The following MATN3 variants were observed in gnomAD, a reference collection of about 807,000 sequenced individuals.
MATN3 encodes matrilin-3.
A neutral mutation model predicts 45.3 loss-of-function variants in MATN3; 48 were observed. The ratio of observed to expected loss-of-function variants is 1.06; its 90% confidence interval spans 0.84 to 1.35. MATN3 has a LOEUF of 1.35. MATN3 is among the 40% of genes most tolerant of loss of function. The pLI, the probability that MATN3 is intolerant of heterozygous loss-of-function variation, is 0.00. For missense variants in MATN3, 599 were observed against 628.0 expected (o/e 0.95, Z 0.49); for synonymous variants, 217 against 245.9 (o/e 0.88, Z 1.10).
chr2:20,000,701 T>C (rs1672969193), intron 4 of MATN3, 135 bp from the exon 5 acceptor site: 1 of 807,124 alleles, frequency 1.2e-6, no homozygotes, highest in Admixed American at 3.4e-5. Flanking sequence ...TTGGCACTGT[T>C]TTTTTCTAAC....
At position 20,002,058 on chromosome 2, in the gene MATN3, G is replaced by A. The variant is rs1386726302; in HGVS notation, c.939C>T (p.Asn313=). 6.2e-7 allele frequency: 1 copy of A among 1,613,174 alleles called. No homozygotes were observed. The highest frequency in any genetic ancestry group is 1.3e-5 in the African/African-American group (1 of 74,896). The change falls in exon 4 of 8, where the codon AAC becomes AAT. Residue 313 remains asparagine (N), a synonymous_variant. Coordinates refer to ENST00000407540, the MANE Select transcript of MATN3 (RefSeq NM_002381.5). Reference sequence around the variant, plus strand: ...CACAGATGTGCTCACATCCGTGGGTGTTAAGAGCACACCTATCAAGAGCTA... The same window carrying A: ...CACAGATGTGCTCACATCCGTGGGTATTAAGAGCACACCTATCAAGAGCTA... ...TCSALDRCAL[N]THGCEHICVN...
chr2:20,007,399 T>C (rs1284463072), intron 1 of MATN3, among the ~76,000 whole-genome samples: 4 of 143,490 alleles, frequency 2.8e-5, no homozygotes, highest in Non-Finnish European at 4.6e-5. Flanking sequence ...CGTAGTGGCA[T>C]GTGCCTGTAA....
At chr2:20,005,691 A>G (rs1673085911) in intron 2 of MATN3, 53 bp downstream of exon 2, 2 of 1,357,676 alleles carry the variant, frequency 1.5e-6, no homozygotes, top group Non-Finnish European at 2.0e-6. Context: ...CTGGGTACAC[A>G]ATGTCTGAAT....
At chr2:20,004,771 C>G (rs548156711) in intron 2 of MATN3, among the ~76,000 whole-genome samples, 1 of 152,240 alleles carries the variant, frequency 6.6e-6, no homozygotes, top group East Asian at 1.9e-4. Context: ...CATCAGAGAT[C>G]AATAAATGCA....
rs767267280 is a variant in MATN3 at position 20,005,749 on chromosome 2, A to G, written c.785T>C (p.Phe262Ser). 1.9e-6 allele frequency: 3 copies of G among 1,595,228 alleles called. No individual in the cohort carries two copies. The highest frequency in any genetic ancestry group is 2.6e-6 in the Non-Finnish European group (3 of 1,167,678). Residue 262 changes from phenylalanine to serine, a missense_variant, in exon 2 of 8, where the codon TTC (phenylalanine) becomes TCC (serine). Physicochemically the swap from Phe to Ser is radical, Grantham distance 155. Coordinates refer to ENST00000407540, the MANE Select transcript of MATN3 (RefSeq NM_002381.5). ...EKLSSRFQET[F>S]CALDPCVLGT... ...GCAAAGACTGACCAACTTACCACAGAAGGTTTCCTGGAATCTAGAGGAAAG... is the reference window on the plus strand; with the variant it reads ...GCAAAGACTGACCAACTTACCACAGGAGGTTTCCTGGAATCTAGAGGAAAG...
rs1286069347 is a variant in MATN3, at chr2:19,992,350, T to C, written c.*761A>G. Reference sequence around the variant, plus strand: ...ATTAAAAAGACAACATTAGATTTTGTCGATTTATAGCAATTTTATAAATAT... The same window carrying C: ...ATTAAAAAGACAACATTAGATTTTGCCGATTTATAGCAATTTTATAAATAT... On this transcript the variant is annotated 3_prime_UTR_variant, in exon 8 of 8. Coordinates refer to ENST00000407540, the MANE Select transcript of MATN3 (RefSeq NM_002381.5). 6.6e-6 allele frequency: 1 copy of C among 152,122 alleles called. No homozygotes were observed. The highest frequency in any genetic ancestry group is 1.5e-5 in the Non-Finnish European group (1 of 67,972). The allele number at this position is 152,122 out of a possible 1,614,324, so 9.4% of individuals were successfully genotyped here.
At chr2:19,999,993 C>A (rs1352013578) in intron 5 of MATN3, among the ~76,000 whole-genome samples, 1 of 152,198 alleles carries the variant, frequency 6.6e-6, no homozygotes, top group Non-Finnish European at 1.5e-5. Flanking sequence ...CTAATTCAGG[C>A]ATTCACAAAG....
At chr2:19,997,615 T>G (rs74716148) in intron 5 of MATN3, 13,943 of 161,910 alleles carry the variant, frequency 0.086, 700 homozygotes, top group East Asian at 0.23. Flanking sequence ...CCCCAGCTAC[T>G]CATGGATCAT....
In MATN3 at chr2:20,007,223, A is replaced by C. The variant is rs530615850; in HGVS notation, c.224-913T>G. On this transcript the variant is annotated intron_variant, in intron 1 of 7. Transcript: ENST00000407540. ...ACTCCGTCTCAAAAAACAAAACAAA[A>C]AAAAAAGTAAGTAGAAAGAGGGGCC... Among the ~76,000 whole-genome samples, 15 of 151,198 alleles carry C rather than the reference A, an allele frequency of 9.9e-5. No individual in the cohort carries two copies. In the South Asian group the frequency reaches 2.9e-3, roughly 30 times the overall value.
At chr2:19,994,089 C>T (rs980969669) in intron 7 of MATN3, among the ~76,000 whole-genome samples, 1 of 152,160 alleles carries the variant, frequency 6.6e-6, no homozygotes, top group Non-Finnish European at 1.5e-5. Context: ...ACAAAATAGG[C>T]AGCTTTTACA....
At position 19,992,704 on chromosome 2, in the gene MATN3, C is replaced by G. The variant is rs878935713; in HGVS notation, c.*407G>C. 5.5e-6 allele frequency: 1 copy of G among 181,654 alleles called. No homozygotes were observed. The highest frequency in any genetic ancestry group is 1.3e-4 in the South Asian group (1 of 7,764). The allele number at this position is 181,654 out of a possible 1,614,324, so 11.3% of individuals were successfully genotyped here. ...GTAAATACCTTGTACAATTTGCACT[C>G]TCAGTAATAAGATTGATTTATATTA... On this transcript the variant is annotated 3_prime_UTR_variant, in exon 8 of 8. Coordinates refer to ENST00000407540, the MANE Select transcript of MATN3 (RefSeq NM_002381.5).
intron 6 of MATN3, among the ~76,000 whole-genome samples, chr2:19,994,881 G>C (rs185350328): frequency 5.1e-4 from 78 of 152,194 alleles, no homozygotes; most frequent in African/African-American, 1.9e-3. Flanking sequence ...TTGAGGCCAG[G>C]AGTTCAAGAC....
Position 20,012,665 on chromosome 2 carries a change from G to C in MATN3, c.-34C>G. The C allele has an allele frequency of 9.4e-7, 1 of 1,066,174 alleles. No individual in the cohort carries two copies. The highest frequency in any genetic ancestry group is 4.7e-5 in the South Asian group (1 of 21,408). The allele number at this position is 1,066,174 out of a possible 1,614,324, so 66.0% of individuals were successfully genotyped here. On this transcript the variant is annotated 5_prime_UTR_variant, in exon 1 of 8. Transcript: ENST00000407540. The surrounding 1 kb of genome is among the most constrained non-coding windows in gnomAD (Gnocchi z 4.3). ...CCGTGGGCCTGGTGGTGTCCGTCGG[G>C]GGCCAGGAGCCCACGCGAGGCTCGG...
Position 20,005,823 on chromosome 2 carries a change from G to C in MATN3, c.711C>G (p.Pro237=), listed in dbSNP as rs1305717998. 9.9e-6 allele frequency: 16 copies of C among 1,610,600 alleles called. No homozygotes were observed. The highest frequency in any genetic ancestry group is 1.2e-5 in the Non-Finnish European group (14 of 1,178,372). The part of the protein sequence containing the change: ...MASLKMMASE[P]LEEHVFYVET... The stretch of plus-strand genomic sequence containing the variant: ...CCACGTAGAAAACATGCTCCTCTAG[G>C]GGCTCACTGGCCATCATCTTGAGGG... Residue 237 remains proline, a synonymous_variant, in exon 2 of 8, where the codon CCC becomes CCG. Coordinates refer to ENST00000407540, the MANE Select transcript of MATN3 (RefSeq NM_002381.5).
At chr2:20,011,729 G>A (rs1057334080) in intron 1 of MATN3, among the ~76,000 whole-genome samples, 4 of 152,238 alleles carry the variant, frequency 2.6e-5, no homozygotes, top group Non-Finnish European at 4.4e-5. Flanking sequence ...CTCTGATACT[G>A]ATTCACAGAG....
At chr2:19,998,896 A>G (rs1210075700) in intron 5 of MATN3, among the ~76,000 whole-genome samples, 3 of 152,224 alleles carry the variant, frequency 2.0e-5, no homozygotes, top group Non-Finnish European at 2.9e-5. Flanking sequence ...TGTAACCACT[A>G]GAGGAAGTAC....
chr2:19,997,335 A>G (rs1311669983), intron 5 of MATN3, 76 bp from the exon 6 acceptor site: 1 of 1,458,262 alleles, frequency 6.9e-7, no homozygotes, highest in Non-Finnish European at 9.2e-7. Context: ...TGAGAGGAGA[A>G]GCTTCCATTT....
intron 1 of MATN3, among the ~76,000 whole-genome samples, chr2:20,010,079 A>AAAAAAAAAAAAAAAAAAAAAAAAG (rs1232156276): frequency 2.0e-5 from 3 of 149,592 alleles, no homozygotes; most frequent in African/African-American, 7.4e-5. Context: ...AAAAAAAAAA[A>AAAAAAAAAAAAAAAAAAAAAAAAG]AAAAAAAAAA....
At chr2:20,011,859 A>G (rs1025571046) in intron 1 of MATN3, among the ~76,000 whole-genome samples, 1 of 152,192 alleles carries the variant, frequency 6.6e-6, no homozygotes, top group Admixed American at 6.5e-5. Context: ...TTGCTGACCA[A>G]AAAGAGAAAT....
Sources: gnomAD v4.1 joint callset for allele counts (sites outside exome capture counted in the v4.1 genomes callset) on GRCh38, gnomAD v4.1.1 for gene constraint, Gnocchi (gnomAD v3.1) non-coding constraint, MANE v1.5 for transcripts, NCBI Gene and HGNC (gene_info 2026-07-23, HGNC 2026-07-21) for gene names.